Variants in UPK1B observed in about 807,000 individuals in gnomAD.
UPK1B encodes the protein uroplakin 1B.
Under a neutral mutation model 34.2 loss-of-function variants are expected in UPK1B, and 28 were observed. The ratio of observed to expected loss-of-function variants is 0.82; its 90% CI spans 0.61 to 1.12. The LOEUF (loss-of-function observed/expected upper bound fraction) is 1.12, where lower values mean the gene tolerates loss of function less well. Ranked by LOEUF, UPK1B falls within the 50% of genes most tolerant of loss-of-function variation. UPK1B has a pLI of 0.00. For synonymous variants in UPK1B, 81 were observed against 110.4 expected, an observed-to-expected ratio of 0.73 and a Z score of 1.67; for missense variants, 325 against 320.9, an observed-to-expected ratio of 1.01 and a Z score of -0.10.
At chr3:119,182,032 G>A (rs967254680) in intron 1 of UPK1B, among the ~76,000 whole-genome samples, 1 of 152,240 alleles carries the variant, frequency 6.6e-6, no homozygotes, top group Non-Finnish European at 1.5e-5. Context: ...GAGGGATGAG[G>A]CCCAATGGCG....
At chr3:119,177,338 C>A (rs905858805) in intron 1 of UPK1B, among the ~76,000 whole-genome samples, 2 of 152,210 alleles carry the variant, frequency 1.3e-5, no homozygotes, top group Non-Finnish European at 2.9e-5. Flanking sequence ...GGAAGTGGAT[C>A]TCCCTACCTT....
chr3:119,179,398 T>TATATATATATATATATATATA (rs71156734), intron 1 of UPK1B, among the ~76,000 whole-genome samples: 1 of 58,910 alleles, frequency 1.7e-5, no homozygotes, highest in Non-Finnish European at 3.3e-5. Context: ...TATATATATA[T>TATATATATATATATATATATA]TAATTCTAAG....
chr3:119,199,059 C>T lies in UPK1B; in HGVS notation c.651C>T (p.Gly217=). The T allele has an allele frequency of 6.2e-7, 1 of 1,614,076 alleles. No homozygotes were observed. The highest frequency in any genetic ancestry group is 1.1e-5 in the South Asian group (1 of 91,074). ...TGTGGAATTGCCCACTCCTTCAGGGCTGCTATGAACTGATCTCTGGTCCAA... is the reference window on the plus strand; with the variant it reads ...TGTGGAATTGCCCACTCCTTCAGGGTTGCTATGAACTGATCTCTGGTCCAA... ...LGVPGFYHNQ[G]CYELISGPMN... The change falls in exon 7 of 8, where the codon GGC becomes GGT. Residue 217 remains glycine (G), a splice_region_variant and synonymous_variant. Transcript: ENST00000264234.
chr3:119,187,709 C>G (rs1207997951), intron 2 of UPK1B, 66 bp from the exon 3 acceptor site: 5 of 1,491,434 alleles, frequency 3.4e-6, no homozygotes, highest in African/African-American at 2.8e-5. Flanking sequence ...CTCTTACCTT[C>G]CCCACCCTCC....
intron 7 of UPK1B, among the ~76,000 whole-genome samples, chr3:119,199,647 T>C (rs1303746351): frequency 6.6e-6 from 1 of 152,222 alleles, no homozygotes; most frequent in Non-Finnish European, 1.5e-5. Flanking sequence ...TGGCTACACA[T>C]TAAAACGCCA....
chr3:119,188,113 C>A, intron 3 of UPK1B, 138 bp downstream of exon 3: 1 of 923,088 alleles, frequency 1.1e-6, no homozygotes, highest in Non-Finnish European at 1.7e-6. Flanking sequence ...AAGACTTTCC[C>A]TGCAGTGAAA....
chr3:119,201,067 C>A (rs116278473), intron 7 of UPK1B, among the ~76,000 whole-genome samples: 1 of 151,894 alleles, frequency 6.6e-6, no homozygotes, highest in Non-Finnish European at 1.5e-5. Context: ...ACTGCAAGTG[C>A]GTAGCAGTGA....
At chr3:119,176,736 A>G (rs1409909163) in intron 1 of UPK1B, among the ~76,000 whole-genome samples, 1 of 152,122 alleles carries the variant, frequency 6.6e-6, no homozygotes, top group East Asian at 1.9e-4. Context: ...AACTCATCCC[A>G]TTGGTTTCCT....
Position 119,187,909 on chromosome 3 carries a change from C to T in UPK1B, c.204C>T (p.Cys68=). The T allele has an allele frequency of 6.2e-7, 1 of 1,614,122 alleles. No individual in the cohort carries two copies. The highest frequency in any genetic ancestry group is 8.5e-7 in the Non-Finnish European group (1 of 1,180,008). Reference sequence around the variant, plus strand: ...GGATCGGCATATTTGTGGGCATCTGCCTCTTCTGCCTGTCTGTTCTAGGCA... The same window carrying T: ...GGATCGGCATATTTGTGGGCATCTGTCTCTTCTGCCTGTCTGTTCTAGGCA... ...AAWIGIFVGI[C]LFCLSVLGIV... is the part of the protein sequence containing the mutation. The change falls in exon 3 of 8, where the codon TGC becomes TGT. Residue 68 remains cysteine, a synonymous_variant. Transcript: ENST00000264234.
Sources: gnomAD v4.1 joint callset for allele counts (sites outside exome capture counted in the v4.1 genomes callset) on GRCh38, gnomAD v4.1.1 for gene constraint, MANE v1.5 for transcripts, NCBI Gene and HGNC (gene_info 2026-07-23, HGNC 2026-07-21) for gene names.